The following NES variants were observed in gnomAD, a reference collection of about 807,000 sequenced individuals.
The protein encoded by NES is nestin.
A neutral mutation model predicts 35.6 loss-of-function variants in NES; 27 were observed. That is an observed-to-expected ratio of 0.76 (90% CI 0.56 to 1.04). The LOEUF is 1.04. Among genes scored for constraint, NES ranks in the 50% least tolerant of loss-of-function variants. The probability of loss-of-function intolerance (pLI) is 0.00; values close to 1 mark genes in which losing one functional copy is unlikely to be tolerated. For missense variants in NES, 1,867 were observed against 1,983.6 expected, an observed-to-expected ratio of 0.94 and a Z score of 1.12; for synonymous variants, 822 against 824.2, an observed-to-expected ratio of 1.00 and a Z score of 0.04.
Position 156,671,668 on chromosome 1 carries a change from C to G in NES, c.2520G>C (p.Leu840=). ...KSAGQENLET[L]KSPETQAPLW... ...GTGGTGCTTGAGTTTCTGGAGATTT[C>G]AGTGTTTCCAGGTTCTCTTGTCCCG... Residue 840 remains leucine (L), a synonymous_variant, in exon 4 of 4, where the codon CTG becomes CTC. Coordinates refer to ENST00000368223, the MANE Select transcript of NES (RefSeq NM_006617.2). The G allele has an allele frequency of 6.2e-7, 1 of 1,613,616 alleles. No homozygotes were observed. Among genetic ancestry groups the G allele is most frequent in the Non-Finnish European group, 8.5e-7 (1 of 1,179,928 alleles).
chr1:156,673,851 G>A (rs1679788062), intron 2 of NES, among the ~76,000 whole-genome samples: 1 of 152,048 alleles, frequency 6.6e-6, no homozygotes, highest in African/African-American at 2.4e-5. Context: ...TCCCACCCCA[G>A]GCCAATGACC....
rs558862276 is a variant in NES, at chr1:156,672,850, C to T, written c.1338G>A (p.Glu446=). Reference sequence around the variant, plus strand: ...TGGCCTCTTGCCGCTGGCCCCCAGGCTCCTCTGGTCCAGGCAGGACGCTGG... The same window carrying T: ...TGGCCTCTTGCCGCTGGCCCCCAGGTTCCTCTGGTCCAGGCAGGACGCTGG... The part of the protein sequence containing the change: ...IPASVLPGPE[E]PGGQRQEAST... Residue 446 remains glutamate, a synonymous_variant, in exon 4 of 4, where the codon GAG becomes GAA. Coordinates refer to ENST00000368223, the MANE Select transcript of NES (RefSeq NM_006617.2). 5 of 1,613,940 alleles carry T rather than the reference C, an allele frequency of 3.1e-6. No individual in the cohort carries two copies. In the South Asian group the frequency reaches 4.4e-5, roughly 14 times the overall value.
chr1:156,676,791 G>GC lies in NES; in HGVS notation c.473_474insG (p.Arg160ProfsTer72), dbSNP rs1378788216. ...CGCGGGGCGGCGCGGGGCAGCGGGG[G>GC]GCACAGGCAGCCTGCGCGTTCAGGC... On this transcript the variant is annotated frameshift_variant, in exon 1 of 4. Coordinates refer to ENST00000368223, the MANE Select transcript of NES (RefSeq NM_006617.2). LOFTEE classifies it high-confidence loss of function. This position sits in a 1 kb window ranked among gnomAD's most constrained non-coding sequence, Gnocchi z 5.3. The GC allele has an allele frequency of 5.0e-6, 7 of 1,397,704 alleles. No homozygotes were observed. The highest frequency in any genetic ancestry group is 3.7e-5 in the Admixed American group (1 of 26,688). 86.6% of individuals were successfully genotyped at this position (1,397,704 alleles called of 1,614,324 possible).
At position 156,669,535 on chromosome 1, in the gene NES, C is replaced by T. The variant is rs758090498; in HGVS notation, c.4653G>A (p.Gly1551=). 6.2e-7 allele frequency: 1 copy of T among 1,612,538 alleles called. No homozygotes were observed. The highest frequency in any genetic ancestry group is 8.5e-7 in the Non-Finnish European group (1 of 1,178,846). ...ACTGCTCCAGCCCGTTCATCACTCC[C>T]CCATTCACATGCTGTGACTTCCCCT... ...NLEGKSQHVN[G]GVMNGLEQSE... Residue 1551 remains glycine, a synonymous_variant, in exon 4 of 4, where the codon GGG becomes GGA. Coordinates refer to ENST00000368223, the MANE Select transcript of NES (RefSeq NM_006617.2).
rs927252237 is a variant in NES at position 156,671,380 on chromosome 1, C to A, written c.2808G>T (p.Glu936Asp). The A allele has an allele frequency of 6.2e-7, 1 of 1,614,074 alleles. No individual in the cohort carries two copies. Among genetic ancestry groups the A allele is most frequent in the Admixed American group, 1.7e-5 (1 of 60,028 alleles). The change falls in exon 4 of 4, where the codon GAG (glutamate) becomes GAT (aspartate). Residue 936 changes from glutamate to aspartate, a missense_variant. Physicochemically the swap from Glu to Asp is conservative, Grantham distance 45. Coordinates refer to ENST00000368223, the MANE Select transcript of NES (RefSeq NM_006617.2). ...ACTGCGGCAGCTCCTGTCCCTCCTC[C>A]TCCAGAGACCTCAGTGACTCTTGGT... is the stretch of plus-strand genomic sequence containing the variant. Reference protein sequence around the residue: ...GEYQESLRSLEEEGQELPQSA... With the variant: ...GEYQESLRSLDEEGQELPQSA...
In NES at chr1:156,669,933, C is replaced by T; in HGVS notation, c.4255G>A (p.Gly1419Arg). The T allele has an allele frequency of 1.2e-6, 2 of 1,613,360 alleles. No homozygotes were observed. The highest frequency in any genetic ancestry group is 1.7e-6 in the Non-Finnish European group (2 of 1,179,668). ...TCCTGATCCTCCTCTCCCTCCTCCC[C>T]ACTTTCTTCCTCATCTGCAAACCCA... ...SDGFADEEES[G>R]EEGEEDQEEG... Residue 1419 changes from glycine to arginine, a missense_variant, in exon 4 of 4, where the codon GGG becomes AGG. Transcript: ENST00000368223.
intron 3 of NES, 124 bp from the exon 4 acceptor site, chr1:156,673,329 A>G (rs931143507): frequency 9.5e-5 from 124 of 1,309,028 alleles, no homozygotes; most frequent in Non-Finnish European, 9.0e-5. Context: ...CTGGGCTGAG[A>G]GCATGCTCAC....
In NES at chr1:156,677,046, C is replaced by T; in HGVS notation, c.219G>A (p.Glu73=). 1 of 1,589,630 alleles carries T rather than the reference C, an allele frequency of 6.3e-7. No individual in the cohort carries two copies. The highest frequency in any genetic ancestry group is 1.3e-5 in the African/African-American group (1 of 74,292). ...CGCGCGCCACCTCGGCCGCGTGCTT[C>T]TCCCGCCAGCGTTGGTCAACGAGGG... is the stretch of plus-strand genomic sequence containing the variant. ...LRALVDQRWR[E]KHAAEVARDN... is the part of the protein sequence containing the mutation. Residue 73 remains glutamate, a synonymous_variant, in exon 1 of 4, where the codon GAG becomes GAA. Transcript: ENST00000368223. The surrounding 1 kb of genome is among the most constrained non-coding windows in gnomAD (Gnocchi z 4.5).
At chr1:156,674,167 C>G (rs1444382307) in intron 2 of NES, among the ~76,000 whole-genome samples, 1 of 152,208 alleles carries the variant, frequency 6.6e-6, no homozygotes, top group Non-Finnish European at 1.5e-5. Flanking sequence ...CTCAGGATCT[C>G]TAAGCACTCT....
In NES at chr1:156,671,838, C is replaced by G. The variant is rs747058964; in HGVS notation, c.2350G>C (p.Asp784His). Residue 784 changes from aspartate to histidine, a missense_variant, in exon 4 of 4, where the codon GAT becomes CAT. Transcript: ENST00000368223. Reference protein sequence around the residue: ...QMTLRPPEKVDLEPLKSLDQE... With the variant: ...QMTLRPPEKVHLEPLKSLDQE... ...TCAAGAGACTTCAGTGGTTCTAGAT[C>G]CACTTTTTCTGGGGGTCTTAATGTC... is the stretch of plus-strand genomic sequence containing the variant. The G allele has an allele frequency of 6.6e-5, 106 of 1,613,746 alleles. 1 individual carries two copies. The South Asian group carries it at 1.1e-3, about 17-fold the overall frequency.
At position 156,669,137 on chromosome 1, in the gene NES, C is replaced by G; in HGVS notation, c.*185G>C. The G allele has an allele frequency of 2.1e-6, 1 of 479,138 alleles. No individual in the cohort carries two copies. Among genetic ancestry groups the G allele is most frequent in the Non-Finnish European group, 3.7e-6 (1 of 273,440 alleles). The allele number at this position is 479,138 out of a possible 1,614,324, so 29.7% of individuals were successfully genotyped here. ...GTGGGAGGTTATATTCCTACAGCCTCCATTCTTGGAGTAGGCTCCTTTGCC... is the reference window on the plus strand; with the variant it reads ...GTGGGAGGTTATATTCCTACAGCCTGCATTCTTGGAGTAGGCTCCTTTGCC... On this transcript the variant is annotated 3_prime_UTR_variant, in exon 4 of 4. Coordinates refer to ENST00000368223, the MANE Select transcript of NES (RefSeq NM_006617.2).
In NES at chr1:156,670,408, C is replaced by G. The variant is rs1292838401; in HGVS notation, c.3780G>C (p.Glu1260Asp). The change falls in exon 4 of 4, where the codon GAG becomes GAC. Residue 1260 changes from glutamate (E) to aspartate (D), a missense_variant. Coordinates refer to ENST00000368223, the MANE Select transcript of NES (RefSeq NM_006617.2). ...CAGAACCCAACTCCTCCTGCTCGCTCTCTACTTTCCCCAGGGCTTCAGCCC... is the reference window on the plus strand; with the variant it reads ...CAGAACCCAACTCCTCCTGCTCGCTGTCTACTTTCCCCAGGGCTTCAGCCC... ...QGRAEALGKV[E>D]SEQEELGSGE... 1 of 1,575,058 alleles carries G rather than the reference C, an allele frequency of 6.3e-7. No homozygotes were observed. Among genetic ancestry groups the G allele is most frequent in the Non-Finnish European group, 8.6e-7 (1 of 1,161,792 alleles).
chr1:156,676,594 T>C lies in NES; in HGVS notation c.671A>G (p.Glu224Gly), dbSNP rs1214808163. 1 of 1,577,062 alleles carries C rather than the reference T, an allele frequency of 6.3e-7. No individual in the cohort carries two copies. Among genetic ancestry groups the C allele is most frequent in the Non-Finnish European group, 8.5e-7 (1 of 1,169,726 alleles). ...AVQGAREGRLELQQLQAERGG... is the reference protein window; with the variant it reads ...AVQGAREGRLGLQQLQAERGG... ...GCGCTCAGCCTGGAGCTGCTGCAGC[T>C]CCAGGCGGCCCTCGCGGGCACCCTG... The change falls in exon 1 of 4, where the codon GAG becomes GGG. Residue 224 changes from glutamate (E) to glycine (G), a missense_variant. Coordinates refer to ENST00000368223, the MANE Select transcript of NES (RefSeq NM_006617.2). This position sits in a 1 kb window ranked among gnomAD's most constrained non-coding sequence, Gnocchi z 5.3.
chr1:156,670,631 G>A lies in NES; in HGVS notation c.3557C>T (p.Ala1186Val), dbSNP rs551525830. Residue 1186 changes from alanine to valine, a missense_variant, in exon 4 of 4, where the codon GCG becomes GTG. Ala to Val is a moderately conservative substitution (Grantham distance 64). Transcript: ENST00000368223. Reference sequence around the variant, plus strand: ...GTGGCCCAGGGTCTCAGCAGGGAACGCCTCCTCTGCTCCCCTGGGGGCCTC... The same window carrying A: ...GTGGCCCAGGGTCTCAGCAGGGAACACCTCCTCTGCTCCCCTGGGGGCCTC... The part of the protein sequence containing the change: ...EAEAPRGAEE[A>V]FPAETLGHTG... 7 of 1,613,830 alleles carry A rather than the reference G, an allele frequency of 4.3e-6. No homozygotes were observed. In the South Asian group the frequency reaches 4.4e-5, roughly 10 times the overall value.
chr1:156,673,547 A>G lies in NES; in HGVS notation c.909-20T>C. On this transcript the variant is annotated intron_variant, in intron 2 of 3. Transcript: ENST00000368223. ...AGGGTCCTGGAGAGGACAGAGGGAA[A>G]GTGGGGTCAGCCCTCTGCCCCCAGG... 6.3e-7 allele frequency: 1 copy of G among 1,584,214 alleles called. No homozygotes were observed. Among genetic ancestry groups the G allele is most frequent in the Non-Finnish European group, 8.6e-7 (1 of 1,158,884 alleles).
In NES at chr1:156,677,110, CAGG is replaced by C. The variant is rs1353892284; in HGVS notation, c.152_154del (p.Ser51del). The C allele has an allele frequency of 1.2e-6, 2 of 1,606,090 alleles. No homozygotes were observed. Among genetic ancestry groups the C allele is most frequent in the Middle Eastern group, 1.7e-4 (1 of 6,044 alleles). On this transcript the variant is annotated inframe_deletion, in exon 1 of 4. Transcript: ENST00000368223. The surrounding 1 kb of genome is among the most constrained non-coding windows in gnomAD (Gnocchi z 4.5). ...CAGCTCGTCGTCGGCATGCGCCCGC[CAGG>C]AGGTGTCCGCGGATTGTGCCCGGAG...
Position 156,669,311 on chromosome 1 carries a change from A to G in NES, c.*11T>C. 6.5e-7 allele frequency: 1 copy of G among 1,529,310 alleles called. No individual in the cohort carries two copies. The highest frequency in any genetic ancestry group is 1.3e-5 in the South Asian group (1 of 79,796). The allele number at this position is 1,529,310 out of a possible 1,614,324, so 94.7% of individuals were successfully genotyped here. On this transcript the variant is annotated 3_prime_UTR_variant, in exon 4 of 4. Transcript: ENST00000368223. ...CCCCTAAGTCCCCAGTGCCGGGCAG[A>G]TGGTCTTTTCCTAGTCCTCCCCTGA...
Position 156,671,993 on chromosome 1 carries a change from A to T in NES, c.2195T>A (p.Ile732Asn). Residue 732 changes from isoleucine to asparagine, a missense_variant, in exon 4 of 4, where the codon ATT becomes AAT. Ile to Asn is a moderately radical substitution (Grantham distance 149). Transcript: ENST00000368223. ...ATTCTCTGTTTCTAGAGGTCTCACA[A>T]TACTCTGGTCCTCTTCTTCTAGAGT... is the stretch of plus-strand genomic sequence containing the variant. ...LKTLEEEDQSIVRPLETENHK... is the reference protein window; with the variant it reads ...LKTLEEEDQSNVRPLETENHK... The T allele has an allele frequency of 6.2e-7, 1 of 1,614,092 alleles. No individual in the cohort carries two copies. Among genetic ancestry groups the T allele is most frequent in the Non-Finnish European group, 8.5e-7 (1 of 1,180,016 alleles).
Position 156,671,498 on chromosome 1 carries a change from G to A in NES, c.2690C>T (p.Ala897Val). The change falls in exon 4 of 4, where the codon GCA becomes GTA. Residue 897 changes from alanine (A) to valine (V), a missense_variant. Transcript: ENST00000368223. ...AGATCTCAAATTCTCCAGGTTCCAT[G>A]CTCCCAGAGATCTCAATGATTCCTG... Reference protein sequence around the residue: ...ENQESLRSLGAWNLENLRSPE... With the variant: ...ENQESLRSLGVWNLENLRSPE... 6.8e-6 allele frequency: 11 copies of A among 1,613,870 alleles called. No individual in the cohort carries two copies. Among genetic ancestry groups the A allele is most frequent in the Non-Finnish European group, 9.3e-6 (11 of 1,180,022 alleles).
Sources: allele counts gnomAD v4.1 joint callset (sites outside exome capture counted in the v4.1 genomes callset), GRCh38; gene constraint gnomAD v4.1.1; non-coding constraint Gnocchi (gnomAD v3.1); transcripts MANE v1.5; gene names NCBI Gene and HGNC (gene_info 2026-07-23, HGNC 2026-07-21).